The following ADGRL3 variants were observed in gnomAD, a reference collection of about 807,000 sequenced individuals.
ADGRL3 encodes adhesion G protein-coupled receptor L3, also known as calcium-independent alpha-latrotoxin receptor 3.
A neutral mutation model predicts 153.5 loss-of-function variants in ADGRL3; 62 were observed. The observed-to-expected ratio is 0.40, with a 90% CI of 0.33 to 0.50. The LOEUF (loss-of-function observed/expected upper bound fraction) is 0.50. ADGRL3 is among the 20% of genes least tolerant of loss of function. The pLI, the probability that ADGRL3 is intolerant of heterozygous loss-of-function variation, is 0.47. For missense variants in ADGRL3, 1,641 were observed against 1,859.4 expected, an observed-to-expected ratio of 0.88 and a Z score of 2.16; for synonymous variants, 710 against 672.5, an observed-to-expected ratio of 1.06 and a Z score of -0.86.
chr4:61,911,080 G>A (rs574045242), intron 12 of ADGRL3, among the ~76,000 whole-genome samples: 2 of 152,068 alleles, frequency 1.3e-5, no homozygotes, highest in East Asian at 1.9e-4. Context: ...TAATCTGGGC[G>A]TGCTGTGATT....
At position 61,684,188 on chromosome 4, in the gene ADGRL3, G is replaced by T. The variant is rs547719340; in HGVS notation, c.583+7253G>T. Among the ~76,000 whole-genome samples, 315 of 152,248 alleles carry T rather than the reference G, an allele frequency of 2.1e-3. 1 individual carries two copies. The highest frequency in any genetic ancestry group is 3.9e-3 in the Non-Finnish European group (265 of 68,008). On this transcript the variant is annotated intron_variant, in intron 6 of 26. Transcript: ENST00000683033. The stretch of plus-strand genomic sequence containing the variant: ...CAACGTACAACATGGAGAAGGTAGT[G>T]AGCCATTTCTGAATGTCATTAATTG...
Position 61,376,238 on chromosome 4 carries a change from G to A in ADGRL3, c.-239-6886G>A, listed in dbSNP as rs564524614. Among the ~76,000 whole-genome samples, 17 of 152,130 alleles carry A rather than the reference G, an allele frequency of 1.1e-4. No homozygotes were observed. The East Asian group carries it at 3.3e-3, about 29-fold the overall frequency. Reference sequence around the variant, plus strand: ...GAAAATTACCATTTAAAAGTATAGAGGGTAGTCACATTTTATTATAAATGA... The same window carrying A: ...GAAAATTACCATTTAAAAGTATAGAAGGTAGTCACATTTTATTATAAATGA... On this transcript the variant is annotated intron_variant, in intron 1 of 26. Coordinates refer to ENST00000683033, the MANE Select transcript of ADGRL3 (RefSeq NM_001387552.1).
intron 5 of ADGRL3, among the ~76,000 whole-genome samples, chr4:61,630,826 CCTTGAAAGATGT>C (rs1296666488): frequency 1.3e-5 from 2 of 152,292 alleles, no homozygotes; most frequent in East Asian, 3.9e-4. Flanking sequence ...TTTGTAGGCT[CCTTGAAAGATGT>C]CTACTTACCT....
chr4:61,205,817 G>C (rs533970184), intron 1 of ADGRL3, among the ~76,000 whole-genome samples: 1 of 152,276 alleles, frequency 6.6e-6, no homozygotes, highest in African/African-American at 2.4e-5. Flanking sequence ...TACATTGTGA[G>C]AATGTAGCGT....
chr4:61,759,810 CT>C (rs1285071377), intron 8 of ADGRL3, among the ~76,000 whole-genome samples: 3 of 151,984 alleles, frequency 2.0e-5, no homozygotes, highest in African/African-American at 7.3e-5. Context: ...TTTTATCTAC[CT>C]TTGGTCTTTG....
At chr4:61,642,242 G>T (rs1045204716) in intron 5 of ADGRL3, among the ~76,000 whole-genome samples, 1 of 151,920 alleles carries the variant, frequency 6.6e-6, no homozygotes, top group Non-Finnish European at 1.5e-5. Context: ...TAGGTTGCCT[G>T]TTCACTCTGA....
At chr4:61,496,364 T>A (rs1339024454) in intron 2 of ADGRL3, among the ~76,000 whole-genome samples, 1 of 152,184 alleles carries the variant, frequency 6.6e-6, no homozygotes, top group Admixed American at 6.5e-5. Context: ...TACCATGGTA[T>A]AATATATATG....
intron 1 of ADGRL3, among the ~76,000 whole-genome samples, chr4:61,216,575 A>G (rs1277547141): frequency 6.6e-6 from 1 of 152,060 alleles, no homozygotes; most frequent in Non-Finnish European, 1.5e-5. Context: ...AATTTATTAT[A>G]AAGTTCAACA....
At chr4:61,220,658 T>C (rs1336037403) in intron 1 of ADGRL3, among the ~76,000 whole-genome samples, 2 of 152,190 alleles carry the variant, frequency 1.3e-5, no homozygotes, top group Non-Finnish European at 2.9e-5. Flanking sequence ...TTGCTCCTGC[T>C]CTTTTTACAA....
chr4:61,274,852 C>T lies in ADGRL3; in HGVS notation c.-240+73087C>T, dbSNP rs184109306. ...GGGAGACTGAGGTGGGAGGATGGAG[C>T]CCAGAAGATCAAGGCTGCAGTGATC... is the stretch of plus-strand genomic sequence containing the variant. On this transcript the variant is annotated intron_variant, in intron 1 of 26. Coordinates refer to ENST00000683033, the MANE Select transcript of ADGRL3 (RefSeq NM_001387552.1). 2.4e-3 allele frequency among the ~76,000 whole-genome samples: 358 copies of T among 152,116 alleles called. 3 individuals are homozygous for T. Among genetic ancestry groups the T allele is most frequent in the Admixed American group, 0.02 (311 of 15,252 alleles).
rs1747768436 is a variant in ADGRL3 at position 62,078,233 on chromosome 4, C to T, written c.*7325C>T. On this transcript the variant is annotated 3_prime_UTR_variant, in exon 27 of 27. Transcript: ENST00000683033. Reference sequence around the variant, plus strand: ...CAGATTTCAAGCTATTGGATATTTCCCTTGTACAACCTTTACATCCTTTTT... The same window carrying T: ...CAGATTTCAAGCTATTGGATATTTCTCTTGTACAACCTTTACATCCTTTTT... 1 of 151,762 alleles carries T rather than the reference C, an allele frequency of 6.6e-6. No individual in the cohort carries two copies. The highest frequency in any genetic ancestry group is 2.4e-5 in the African/African-American group (1 of 41,384). The allele number at this position is 151,762 out of a possible 1,614,324, so 9.4% of individuals were successfully genotyped here.
chr4:61,358,467 G>C (rs1223636788), intron 1 of ADGRL3, among the ~76,000 whole-genome samples: 2 of 151,876 alleles, frequency 1.3e-5, no homozygotes, highest in Non-Finnish European at 2.9e-5. Context: ...CGTGGTGGCG[G>C]GCGCCTGTAG....
intron 1 of ADGRL3, among the ~76,000 whole-genome samples, chr4:61,208,414 T>C (rs1322536121): frequency 6.6e-6 from 1 of 152,174 alleles, no homozygotes; most frequent in Non-Finnish European, 1.5e-5. Flanking sequence ...TGGTGCATAA[T>C]AATAACATAA....
chr4:61,773,045 G>A (rs1297220705), intron 8 of ADGRL3, among the ~76,000 whole-genome samples: 8 of 152,124 alleles, frequency 5.3e-5, no homozygotes, highest in Non-Finnish European at 1.2e-4. Flanking sequence ...TGCATAAGGT[G>A]TTCATTACAA....
At chr4:61,504,989 T>C (rs1182703089) in intron 3 of ADGRL3, among the ~76,000 whole-genome samples, 2 of 152,188 alleles carry the variant, frequency 1.3e-5, no homozygotes, top group African/African-American at 2.4e-5. Flanking sequence ...GTGGGATTTC[T>C]GGATCATACA....
At chr4:61,410,303 G>A (rs1462503230) in intron 2 of ADGRL3, among the ~76,000 whole-genome samples, 2 of 151,862 alleles carry the variant, frequency 1.3e-5, no homozygotes, top group African/African-American at 4.8e-5. Flanking sequence ...TATTCTCAAC[G>A]ATATTCCCCA....
At chr4:61,863,803 A>G (rs2098373564) in intron 9 of ADGRL3, among the ~76,000 whole-genome samples, 1 of 152,240 alleles carries the variant, frequency 6.6e-6, no homozygotes, top group Non-Finnish European at 1.5e-5. Context: ...AGAGATTAAA[A>G]TCATACAAGC....
chr4:61,861,206 G>C (rs1343211927), intron 9 of ADGRL3, among the ~76,000 whole-genome samples: 1 of 152,154 alleles, frequency 6.6e-6, no homozygotes, highest in African/African-American at 2.4e-5. Flanking sequence ...CAAGGATTTG[G>C]AAATAAGGCA....
intron 8 of ADGRL3, among the ~76,000 whole-genome samples, chr4:61,735,363 G>GA: frequency 6.6e-6 from 1 of 152,316 alleles, no homozygotes; most frequent in East Asian, 1.9e-4. Flanking sequence ...TTTACGGAAA[G>GA]AAAAGACTAA....
Sources: allele counts gnomAD v4.1 joint callset (sites outside exome capture counted in the v4.1 genomes callset), GRCh38; gene constraint gnomAD v4.1.1; transcripts MANE v1.5; gene names NCBI Gene and HGNC (gene_info 2026-07-23, HGNC 2026-07-21).